Variants in NTM observed in about 807,000 individuals in gnomAD.
The protein encoded by NTM is neurotrimin.
NTM carries 13 observed loss-of-function variants against 42.1 expected under a neutral mutation model. That is an observed-to-expected ratio of 0.31 (90% CI 0.20 to 0.49). NTM has a LOEUF of 0.49. Among genes scored for constraint, NTM ranks in the 20% least tolerant of loss-of-function variants. NTM has a pLI of 0.99. For missense variants in NTM, 373 were observed against 452.8 expected (o/e 0.82, Z 1.60); for synonymous variants, 187 against 179.2 (o/e 1.04, Z -0.35).
chr11:131,564,439 G>A lies in NTM; in HGVS notation c.82+193551G>A, dbSNP rs527285624. 7.1e-5 allele frequency among the ~76,000 whole-genome samples: 10 copies of A among 141,802 alleles called. No homozygotes were observed. In the East Asian group the frequency reaches 2.1e-3, roughly 29 times the overall value. The allele number at this position is 141,802 out of a possible 152,430, so 93.0% of individuals were successfully genotyped here. ...CTCACATAGTAGAGGGATAGGGTGGGTAGGGGGAGAGAGAGAGGGAGGGAG... is the reference window on the plus strand; with the variant it reads ...CTCACATAGTAGAGGGATAGGGTGGATAGGGGGAGAGAGAGAGGGAGGGAG... On this transcript the variant is annotated intron_variant, in intron 1 of 8. Transcript: ENST00000683400.
chr11:131,383,548 T>C lies in NTM; in HGVS notation c.82+12660T>C, dbSNP rs75836640. 9.8e-3 allele frequency among the ~76,000 whole-genome samples: 1,493 copies of C among 152,144 alleles called. 22 individuals carry two copies. Among genetic ancestry groups the C allele is most frequent in the African/African-American group, 0.034 (1,413 of 41,492 alleles). On this transcript the variant is annotated intron_variant, in intron 1 of 8. Coordinates refer to ENST00000683400, the MANE Select transcript of NTM (RefSeq NM_001352005.2). Reference sequence around the variant, plus strand: ...GCTAACGTCTACAGGGAAGAGAGCATGGTAGGAGTTCAGAATTCTGAAATC... The same window carrying C: ...GCTAACGTCTACAGGGAAGAGAGCACGGTAGGAGTTCAGAATTCTGAAATC...
intron 1 of NTM, among the ~76,000 whole-genome samples, chr11:131,789,636 A>AGAAGAGAAGAAGAAG (rs1555127949): frequency 3.2e-5 from 1 of 30,900 alleles, no homozygotes; most frequent in Non-Finnish European, 7.3e-5. Context: ...AAGAAGAAGA[A>AGAAGAGAAGAAGAAG]AAGAAGAAGA....
intron 2 of NTM, among the ~76,000 whole-genome samples, chr11:131,960,578 G>A (rs980791972): frequency 6.6e-6 from 1 of 152,172 alleles, no homozygotes; most frequent in Admixed American, 6.5e-5. Flanking sequence ...AAGGGGAATC[G>A]TGATCAAATT....
In NTM at chr11:131,636,782, T is replaced by C. The variant is rs542949732; in HGVS notation, c.82+265894T>C. On this transcript the variant is annotated intron_variant, in intron 1 of 8. Transcript: ENST00000683400. ...TGTGAGGCCACATTCCCACGTAAAA[T>C]AGAGATTATAACACCTTTCAGTGGA... Among the ~76,000 whole-genome samples the C allele has an allele frequency of 3.9e-5, 6 of 152,146 alleles. No homozygotes were observed. The South Asian group carries it at 1.0e-3, about 26-fold the overall frequency.
chr11:131,676,404 T>A (rs2071393479), intron 1 of NTM, among the ~76,000 whole-genome samples: 1 of 152,122 alleles, frequency 6.6e-6, no homozygotes, highest in South Asian at 2.1e-4. Context: ...AAGGGCTGCG[T>A]TGGAGTTTTT....
At chr11:132,017,359 G>T (rs886410115) in intron 2 of NTM, among the ~76,000 whole-genome samples, 2 of 151,904 alleles carry the variant, frequency 1.3e-5, no homozygotes, top group Non-Finnish European at 2.9e-5. Flanking sequence ...TGGATGTTCA[G>T]TGTTTCTAGA....
At chr11:131,972,339 T>C (rs1335987378) in intron 2 of NTM, among the ~76,000 whole-genome samples, 1 of 152,160 alleles carries the variant, frequency 6.6e-6, no homozygotes, top group Non-Finnish European at 1.5e-5. Flanking sequence ...AACACATACA[T>C]ACACATACAT....
At chr11:131,849,509 A>G (rs1191222588) in intron 1 of NTM, among the ~76,000 whole-genome samples, 3 of 152,008 alleles carry the variant, frequency 2.0e-5, no homozygotes, top group African/African-American at 7.2e-5. Flanking sequence ...AAAACTCACT[A>G]TCACAAGGAC....
chr11:131,523,125 A>G (rs1252855363), intron 1 of NTM, among the ~76,000 whole-genome samples: 2 of 152,158 alleles, frequency 1.3e-5, no homozygotes, highest in African/African-American at 4.8e-5. Flanking sequence ...CTTTTTCTGG[A>G]TTGGCCATTC....
rs751441211 is a variant in NTM at position 131,917,990 on chromosome 11, C to CT, written c.167+6343dup. Among the ~76,000 whole-genome samples, 8 of 152,398 alleles carry CT rather than the reference C, an allele frequency of 5.2e-5. No homozygotes were observed. In the South Asian group the frequency reaches 1.7e-3, roughly 32 times the overall value. On this transcript the variant is annotated intron_variant, in intron 2 of 8. Transcript: ENST00000683400. ...GGCTACAGGGGGCCAGCTCAGTTCT[C>CT]TAACACCCCTCATCTAAACCGTAAG...
At chr11:132,078,986 T>C (rs1210393335) in intron 2 of NTM, among the ~76,000 whole-genome samples, 1 of 152,174 alleles carries the variant, frequency 6.6e-6, no homozygotes, top group African/African-American at 2.4e-5. Context: ...AGATGCACAC[T>C]TGACCCTTGC....
At chr11:131,961,857 G>A (rs185519034) in intron 2 of NTM, among the ~76,000 whole-genome samples, 4 of 152,136 alleles carry the variant, frequency 2.6e-5, no homozygotes, top group Admixed American at 6.5e-5. Context: ...GAAATGCAGT[G>A]GTAGTCCCTG....
chr11:131,976,113 C>CTCCTTCCTTCCT (rs1329274388), intron 2 of NTM, among the ~76,000 whole-genome samples: 1,014 of 67,306 alleles, frequency 0.015, 18 homozygotes, highest in African/African-American at 0.051. Flanking sequence ...CCCTCCCTCC[C>CTCCTTCCTTCCT]TCATTCCTTC....
intron 2 of NTM, among the ~76,000 whole-genome samples, chr11:132,063,471 G>T (rs1446644766): frequency 6.6e-6 from 1 of 152,168 alleles, no homozygotes; most frequent in Non-Finnish European, 1.5e-5. Flanking sequence ...AGGGTGGAAG[G>T]CCAGAGGGCA....
At chr11:132,248,311 C>T (rs926260656) in intron 4 of NTM, among the ~76,000 whole-genome samples, 1 of 152,148 alleles carries the variant, frequency 6.6e-6, no homozygotes, top group Non-Finnish European at 1.5e-5. Context: ...CAATTTTTTT[C>T]CCTTGCTCTG....
chr11:131,462,975 G>C (rs947293114), intron 1 of NTM, among the ~76,000 whole-genome samples: 12 of 152,064 alleles, frequency 7.9e-5, no homozygotes, highest in Non-Finnish European at 5.9e-5. Context: ...GAAGATATAG[G>C]TAAGAATAGG....
At chr11:132,321,612 T>C (rs1391649247) in intron 7 of NTM, among the ~76,000 whole-genome samples, 2 of 152,128 alleles carry the variant, frequency 1.3e-5, no homozygotes, top group Non-Finnish European at 2.9e-5. Context: ...CTGCAGAATA[T>C]TATCCAGGAG....
At chr11:131,895,499 C>T (rs918919522) in intron 1 of NTM, among the ~76,000 whole-genome samples, 3 of 152,084 alleles carry the variant, frequency 2.0e-5, no homozygotes, top group African/African-American at 7.2e-5. Context: ...ATACTTTGCT[C>T]AGTGTTGGGC....
At chr11:131,809,811 T>A (rs57210222) in intron 1 of NTM, among the ~76,000 whole-genome samples, 2 of 152,082 alleles carry the variant, frequency 1.3e-5, no homozygotes, top group African/African-American at 4.8e-5. Flanking sequence ...ACAGCAGCCC[T>A]TCTGTGTCCC....
Sources: gnomAD v4.1 joint callset for allele counts (sites outside exome capture counted in the v4.1 genomes callset) on GRCh38, gnomAD v4.1.1 for gene constraint, MANE v1.5 for transcripts, NCBI Gene and HGNC (gene_info 2026-07-23, HGNC 2026-07-21) for gene names.